Variants in PRKG1 observed in about 807,000 individuals in gnomAD.
PRKG1 encodes cGMP-dependent protein kinase 1.
In PRKG1, 35 loss-of-function variants were observed where a neutral mutation model predicts 88.1. The ratio of observed to expected loss-of-function variants is 0.40; its 90% CI spans 0.30 to 0.53. The LOEUF is 0.53. Ranked by LOEUF, PRKG1 falls within the 20% of genes least tolerant of loss-of-function variation. PRKG1 has a pLI of 0.59. For synonymous variants in PRKG1, 303 were observed against 292.5 expected (o/e 1.04, Z -0.37); for missense variants, 540 against 839.8 (o/e 0.64, Z 4.41).
At chr10:51,596,187 C>A (rs1234229162) in intron 3 of PRKG1, among the ~76,000 whole-genome samples, 5 of 152,144 alleles carry the variant, frequency 3.3e-5, no homozygotes, top group African/African-American at 1.2e-4. Context: ...TCTTCAAAAA[C>A]CAGAACTATG....
At chr10:52,197,577 T>A (rs751306688) in intron 9 of PRKG1, among the ~76,000 whole-genome samples, 12 of 152,226 alleles carry the variant, frequency 7.9e-5, no homozygotes, top group Non-Finnish European at 1.3e-4. Flanking sequence ...GCTGTTTTCC[T>A]TGCTAAATCA....
intron 2 of PRKG1, among the ~76,000 whole-genome samples, chr10:51,382,820 C>T (rs1300937999): frequency 6.6e-6 from 1 of 152,138 alleles, no homozygotes; most frequent in Non-Finnish European, 1.5e-5. Context: ...TTTGCTTTTC[C>T]GTTTAACCAA....
chr10:51,007,471 C>T (rs139600513), intron 1 of PRKG1, among the ~76,000 whole-genome samples: 1 of 152,298 alleles, frequency 6.6e-6, no homozygotes, highest in African/African-American at 2.4e-5. Flanking sequence ...AAGATGAACT[C>T]ATTACCTAGG....
chr10:51,115,196 C>T (rs1030346477), intron 1 of PRKG1, among the ~76,000 whole-genome samples: 1 of 149,568 alleles, frequency 6.7e-6, no homozygotes, highest in East Asian at 2.0e-4. Context: ...CACCTGTAAT[C>T]CCAGCTACTC....
At chr10:51,793,831 A>T (rs1838936468) in intron 3 of PRKG1, among the ~76,000 whole-genome samples, 1 of 152,044 alleles carries the variant, frequency 6.6e-6, no homozygotes, top group Non-Finnish European at 1.5e-5. Context: ...GCATGATCTC[A>T]GCTCACTGCA....
intron 7 of PRKG1, among the ~76,000 whole-genome samples, chr10:52,094,725 G>A (rs571492390): frequency 2.0e-5 from 3 of 152,264 alleles, no homozygotes; most frequent in East Asian, 3.9e-4. Flanking sequence ...TGTGCTCACA[G>A]GGCTGGTGTG....
intron 5 of PRKG1, among the ~76,000 whole-genome samples, chr10:52,008,718 T>C (rs1229691974): frequency 6.6e-6 from 1 of 151,796 alleles, no homozygotes; most frequent in Admixed American, 6.6e-5. Context: ...TAAAAAATTG[T>C]CAAGTTTCCT....
At chr10:51,633,904 A>T (rs1377217507) in intron 3 of PRKG1, among the ~76,000 whole-genome samples, 3 of 152,180 alleles carry the variant, frequency 2.0e-5, no homozygotes, top group Non-Finnish European at 2.9e-5. Context: ...TCTAACAAGA[A>T]CAGATGGAAC....
chr10:51,891,191 G>C (rs1415042753), intron 4 of PRKG1, among the ~76,000 whole-genome samples: 6 of 152,138 alleles, frequency 3.9e-5, no homozygotes, highest in Non-Finnish European at 5.9e-5. Context: ...GTGAGCTCAG[G>C]AGTTTGAGGC....
At chr10:51,214,627 G>A (rs908298883) in intron 2 of PRKG1, among the ~76,000 whole-genome samples, 1 of 151,494 alleles carries the variant, frequency 6.6e-6, no homozygotes, top group Non-Finnish European at 1.5e-5. Context: ...AGAGTCGCTT[G>A]CCACACCCCC....
chr10:51,684,225 T>C (rs1413471260), intron 3 of PRKG1, among the ~76,000 whole-genome samples: 1 of 152,168 alleles, frequency 6.6e-6, no homozygotes, highest in Non-Finnish European at 1.5e-5. Flanking sequence ...AAAATTATGT[T>C]AAGTAAAAGA....
At chr10:51,313,870 C>G (rs916244143) in intron 2 of PRKG1, among the ~76,000 whole-genome samples, 1 of 152,290 alleles carries the variant, frequency 6.6e-6, no homozygotes, top group East Asian at 1.9e-4. Flanking sequence ...ACTTGGCACA[C>G]GGCAAATTCA....
At chr10:51,894,764 C>T (rs554558390) in intron 4 of PRKG1, among the ~76,000 whole-genome samples, 10 of 152,232 alleles carry the variant, frequency 6.6e-5, no homozygotes, top group Admixed American at 1.3e-4. Flanking sequence ...TTTTAGAAGA[C>T]GGTTTTAAAG....
At chr10:52,195,649 A>T (rs1266057119) in intron 9 of PRKG1, among the ~76,000 whole-genome samples, 1 of 152,172 alleles carries the variant, frequency 6.6e-6, no homozygotes, top group Non-Finnish European at 1.5e-5. Flanking sequence ...AAATTTGTTA[A>T]TTTTTATTTA....
chr10:51,670,592 C>T (rs1055524308), intron 3 of PRKG1, among the ~76,000 whole-genome samples: 4 of 148,846 alleles, frequency 2.7e-5, no homozygotes, highest in Admixed American at 6.7e-5. Flanking sequence ...AAAAATTAGC[C>T]GGGCGTAGTG....
intron 5 of PRKG1, among the ~76,000 whole-genome samples, chr10:52,026,007 A>C (rs1328412004): frequency 6.6e-6 from 1 of 151,892 alleles, no homozygotes; most frequent in East Asian, 2.0e-4. Flanking sequence ...CCTCAGAAAT[A>C]ATGCCACACA....
At chr10:51,680,410 C>A (rs1280042293) in intron 3 of PRKG1, among the ~76,000 whole-genome samples, 1 of 152,230 alleles carries the variant, frequency 6.6e-6, no homozygotes, top group Non-Finnish European at 1.5e-5. Flanking sequence ...GCTTTCGCTT[C>A]TTTGTTCCTG....
At chr10:51,835,994 A>AT (rs1424483117) in intron 4 of PRKG1, among the ~76,000 whole-genome samples, 1 of 152,080 alleles carries the variant, frequency 6.6e-6, no homozygotes, top group Non-Finnish European at 1.5e-5. Flanking sequence ...GATGTTGAGC[A>AT]TTTTTTTTAT....
chr10:51,575,085 C>A (rs1211731581), intron 3 of PRKG1, among the ~76,000 whole-genome samples: 1 of 151,968 alleles, frequency 6.6e-6, no homozygotes, highest in Non-Finnish European at 1.5e-5. Flanking sequence ...CCATTCACGG[C>A]TACAAGTGAG....
Sources: allele counts gnomAD v4.1 joint callset (sites outside exome capture counted in the v4.1 genomes callset), GRCh38; gene constraint gnomAD v4.1.1; transcripts MANE v1.5; gene names NCBI Gene and HGNC (gene_info 2026-07-23, HGNC 2026-07-21).